Variants in NREP observed in about 807,000 individuals in gnomAD.
NREP encodes neuronal regeneration-related protein.
In NREP, 5 loss-of-function variants were observed where a neutral mutation model predicts 8.6. The observed-to-expected ratio is 0.58, with a 90% CI of 0.30 to 1.22. NREP has a LOEUF of 1.22. Ranked by LOEUF, NREP falls within the 50% of genes most tolerant of loss-of-function variation. The pLI, the probability that NREP is intolerant of heterozygous loss-of-function variation, is 0.07. For missense variants in NREP, 86 were observed against 82.5 expected, an observed-to-expected ratio of 1.04 and a Z score of -0.17; for synonymous variants, 27 against 28.0, an observed-to-expected ratio of 0.96 and a Z score of 0.11.
upstream of NREP, among the ~76,000 whole-genome samples, chr5:111,759,578 A>G (rs1750913402): frequency 6.6e-6 from 1 of 151,862 alleles, no homozygotes; most frequent in Admixed American, 6.6e-5. Flanking sequence ...GTAATGATAG[A>G]CATTCAGGTG....
intron 2 of NREP, among the ~76,000 whole-genome samples, chr5:111,817,452 GATTTA>G (rs1181550364): frequency 6.6e-6 from 1 of 151,976 alleles, no homozygotes; most frequent in Non-Finnish European, 1.5e-5. Context: ...TTTCTATTAT[GATTTA>G]ATTTGCTATT....
intron 2 of NREP, among the ~76,000 whole-genome samples, chr5:111,969,192 C>T (rs147942073): frequency 5.9e-5 from 9 of 152,258 alleles, no homozygotes; most frequent in East Asian, 3.9e-4. Context: ...CTCAATGACA[C>T]GGTTAAAAAT....
At chr5:111,740,260 T>C (rs1749534212) in intron 2 of NREP, among the ~76,000 whole-genome samples, 1 of 152,140 alleles carries the variant, frequency 6.6e-6, no homozygotes, top group South Asian at 2.1e-4. Flanking sequence ...ATATCCTTGA[T>C]CAATTCTTAG....
chr5:111,974,992 C>T (rs780553985), intron 2 of NREP, among the ~76,000 whole-genome samples: 6 of 152,004 alleles, frequency 3.9e-5, no homozygotes, highest in Non-Finnish European at 7.4e-5. Flanking sequence ...AGGTGGTTGG[C>T]CAGAGGTGTA....
At chr5:111,889,951 G>A (rs1754354457) in intron 2 of NREP, among the ~76,000 whole-genome samples, 1 of 152,134 alleles carries the variant, frequency 6.6e-6, no homozygotes, top group South Asian at 2.1e-4. Context: ...ATTTCACAAG[G>A]TCAATTGATC....
chr5:111,898,280 T>C lies in NREP; in HGVS notation c.135+76994A>G, dbSNP rs185463870. ...ATAAAGACAAGAGATAAAGATGAATTGGAGCAGGATGGTAATTCAGAGGTG... is the reference window on the plus strand; with the variant it reads ...ATAAAGACAAGAGATAAAGATGAATCGGAGCAGGATGGTAATTCAGAGGTG... On this transcript the variant is annotated intron_variant, in intron 2 of 3. Coordinates refer to the NREP transcript ENST00000395634. Among the ~76,000 whole-genome samples the C allele has an allele frequency of 2.5e-3, 383 of 152,152 alleles. 1 individual carries two copies. The highest frequency in any genetic ancestry group is 7.1e-3 in the Admixed American group (109 of 15,270).
At chr5:111,756,982 T>C (rs1414580557) in intron 1 of NREP, among the ~76,000 whole-genome samples, 154 bp downstream of exon 1, 1 of 152,024 alleles carries the variant, frequency 6.6e-6, no homozygotes, top group Non-Finnish European at 1.5e-5. Context: ...AATGCCAGAA[T>C]TTCTCCAAGG....
chr5:111,956,150 G>T lies in NREP; in HGVS notation c.135+19124C>A, dbSNP rs959731555. Among the ~76,000 whole-genome samples the T allele has an allele frequency of 2.6e-5, 4 of 152,150 alleles. No homozygotes were observed. The South Asian group carries it at 6.2e-4, about 24-fold the overall frequency. ...TAGATACCACCATGATATCCTCAAA[G>T]GGAAACCTCTACAACCCAGGACAGA... On this transcript the variant is annotated intron_variant, in intron 2 of 3. Coordinates refer to the NREP transcript ENST00000395634.
intron 1 of NREP, among the ~76,000 whole-genome samples, chr5:111,756,533 C>T (rs908105929): frequency 1.3e-5 from 2 of 152,044 alleles, no homozygotes; most frequent in African/African-American, 2.4e-5. Flanking sequence ...TTAGAGTTTT[C>T]CTATAATGTT....
chr5:111,793,813 C>G (rs1478162120), intron 2 of NREP, among the ~76,000 whole-genome samples: 2 of 152,132 alleles, frequency 1.3e-5, no homozygotes, highest in Non-Finnish European at 2.9e-5. Context: ...AATTCCAGCA[C>G]TTTGGGAGGC....
intron 2 of NREP, among the ~76,000 whole-genome samples, chr5:111,828,061 C>T (rs1335137151): frequency 6.6e-6 from 1 of 151,334 alleles, no homozygotes; most frequent in Non-Finnish European, 1.5e-5. Flanking sequence ...CGGAGTTTCG[C>T]TCTTGTTTGC....
intron 2 of NREP, among the ~76,000 whole-genome samples, chr5:111,967,667 C>G (rs1241491875): frequency 6.6e-6 from 1 of 151,840 alleles, no homozygotes; most frequent in South Asian, 2.1e-4. Context: ...GCGCCTCTGC[C>G]CAGCTGCCGC....
At chr5:111,755,602 T>C in intron 2 of NREP, 168 bp downstream of exon 2, 1 of 687,354 alleles carries the variant, frequency 1.5e-6, no homozygotes, top group East Asian at 2.5e-5. Context: ...CCAATTCACA[T>C]AAATTGCTGT....
chr5:111,821,853 T>C (rs2112925088), intron 2 of NREP, among the ~76,000 whole-genome samples: 1 of 152,268 alleles, frequency 6.6e-6, no homozygotes, highest in South Asian at 2.1e-4. Context: ...AGAGGGTATT[T>C]ATAGGAGAAG....
chr5:111,870,192 G>C (rs995832009), intron 2 of NREP, among the ~76,000 whole-genome samples: 4 of 152,186 alleles, frequency 2.6e-5, no homozygotes, highest in African/African-American at 9.6e-5. Context: ...CACTTTGGGA[G>C]GCTGAGGCAG....
chr5:111,965,018 T>C lies in NREP; in HGVS notation c.135+10256A>G, dbSNP rs145235533. 5.9e-3 allele frequency among the ~76,000 whole-genome samples: 900 copies of C among 152,098 alleles called. 9 individuals carry two copies. Among genetic ancestry groups the C allele is most frequent in the African/African-American group, 0.021 (863 of 41,486 alleles). On this transcript the variant is annotated intron_variant, in intron 2 of 3. Coordinates refer to the NREP transcript ENST00000395634. ...TTATCTCAGTGGTTCAATAGTGTCATCAGCGATCCTGGTAATTTCCATCTT... is the reference window on the plus strand; with the variant it reads ...TTATCTCAGTGGTTCAATAGTGTCACCAGCGATCCTGGTAATTTCCATCTT...
chr5:111,942,643 A>T (rs565479979), intron 2 of NREP, among the ~76,000 whole-genome samples: 31 of 151,720 alleles, frequency 2.0e-4, no homozygotes, highest in African/African-American at 7.3e-4. Context: ...CACTAGTTTT[A>T]AAAAAAAACA....
chr5:111,744,291 A>G (rs1749864232), intron 2 of NREP, among the ~76,000 whole-genome samples: 3 of 152,146 alleles, frequency 2.0e-5, no homozygotes, highest in Admixed American at 1.3e-4. Context: ...AAAAACTGGT[A>G]TCTCTTCAAT....
intron 2 of NREP, among the ~76,000 whole-genome samples, chr5:111,754,073 G>A (rs1159956435): frequency 6.6e-6 from 1 of 152,114 alleles, no homozygotes; most frequent in African/African-American, 2.4e-5. Flanking sequence ...TTGATGAAAG[G>A]ATCACCAAAA....
Sources: gnomAD v4.1 joint callset for allele counts (sites outside exome capture counted in the v4.1 genomes callset) on GRCh38, gnomAD v4.1.1 for gene constraint, MANE v1.5 for transcripts, NCBI Gene and HGNC (gene_info 2026-07-23, HGNC 2026-07-21) for gene names.